Variants in CLXN observed in about 807,000 individuals in gnomAD.
The protein encoded by CLXN is EF-hand calcium binding domain 1.
chr8:48,729,260 C>T, the CLXN span: 3 of 845,618 alleles, frequency 3.5e-6, no homozygotes, highest in Non-Finnish European at 3.6e-6. Context: ...GATGGTGGCT[C>T]AGGCCTGTAA....
chr8:48,729,129 C>T, the CLXN span: 1 of 1,613,066 alleles, frequency 6.2e-7, no homozygotes, highest in African/African-American at 1.3e-5. Context: ...AAGACAGCTT[C>T]CCATCATGGT....
chr8:48,729,177 C>A, the CLXN span: 2 of 1,529,558 alleles, frequency 1.3e-6, no homozygotes, highest in Non-Finnish European at 1.8e-6. Flanking sequence ...TTAGGCAACA[C>A]GTAAAATGAT....
At chr8:48,734,473 T>TAA in the CLXN span, 2 of 152,236 alleles carry the variant, frequency 1.3e-5, no homozygotes, top group African/African-American at 4.8e-5. Context: ...AAGTCTCCTT[T>TAA]ATCTTTCAAC....
chr8:48,713,837 A>T, the CLXN span: 1 of 152,220 alleles, frequency 6.6e-6, no homozygotes, highest in African/African-American at 2.4e-5. Context: ...ATGCAGGACT[A>T]CCAGTTTTCA....
At chr8:48,731,263 C>T in the CLXN span, 4 of 1,378,166 alleles carry the variant, frequency 2.9e-6, no homozygotes, top group Non-Finnish European at 3.8e-6. Context: ...ACTAAGCTTC[C>T]TACCAAGAGG....
chr8:48,724,570 C>T, the CLXN span: 8 of 473,924 alleles, frequency 1.7e-5, no homozygotes, highest in African/African-American at 1.6e-4. Context: ...TCTTGTCTTC[C>T]ATCTATTTTA....
chr8:48,731,619 A>G, the CLXN span: 1 of 760,472 alleles, frequency 1.3e-6, no homozygotes, highest in South Asian at 2.4e-5. Flanking sequence ...GGTAATTGTC[A>G]ATAGAAGACT....
At chr8:48,730,004 A>C in the CLXN span, 1 of 718,622 alleles carries the variant, frequency 1.4e-6, no homozygotes, top group Non-Finnish European at 2.2e-6. Context: ...TTTGCATTGT[A>C]AGTGTCAACG....
the CLXN span, among the ~76,000 whole-genome samples, chr8:48,719,357 C>A: frequency 6.6e-6 from 1 of 151,966 alleles, no homozygotes; most frequent in South Asian, 2.1e-4. Context: ...AGAATGAATA[C>A]CAATTCTTTT....
chr8:48,731,642 G>A, the CLXN span: 1 of 658,664 alleles, frequency 1.5e-6, no homozygotes, highest in Non-Finnish European at 2.4e-6. Context: ...CCTGTTTTGA[G>A]ATTCATGAAC....
the CLXN span, chr8:48,735,004 G>A: frequency 6.8e-7 from 1 of 1,465,952 alleles, no homozygotes; most frequent in South Asian, 1.2e-5. Flanking sequence ...CAGCAGGCGG[G>A]AAGCAGGCAC....
At chr8:48,712,629 C>G in the CLXN span, among the ~76,000 whole-genome samples, 1 of 152,350 alleles carries the variant, frequency 6.6e-6, no homozygotes, top group Non-Finnish European at 1.5e-5. Flanking sequence ...GATAAAGGCA[C>G]TTCAAATGCA....
chr8:48,713,197 C>G, the CLXN span, among the ~76,000 whole-genome samples: 1 of 152,142 alleles, frequency 6.6e-6, no homozygotes, highest in African/African-American at 2.4e-5. Context: ...AAATGCAGAT[C>G]TATTACTTCT....
the CLXN span, chr8:48,715,939 T>C: frequency 6.6e-6 from 1 of 152,250 alleles, no homozygotes; most frequent in Admixed American, 6.5e-5. Flanking sequence ...ATGATTGGTT[T>C]AGAGAAGCTT....
chr8:48,733,008 C>T, the CLXN span, among the ~76,000 whole-genome samples: 5 of 152,010 alleles, frequency 3.3e-5, no homozygotes, highest in Non-Finnish European at 5.9e-5. Context: ...GAACAAGTTA[C>T]GGAGGTGGAT....
chr8:48,735,242 G>A, the CLXN span: 2 of 1,428,736 alleles, frequency 1.4e-6, no homozygotes, highest in Middle Eastern at 4.6e-4. Context: ...CCTGGTGCTG[G>A]GTCAACGCGG....
chr8:48,729,622 A>C, the CLXN span: 1 of 1,155,708 alleles, frequency 8.7e-7, no homozygotes, highest in African/African-American at 1.6e-5. Context: ...TTATTTAAGC[A>C]AGCAGAGAAC....
At chr8:48,735,000 G>T in the CLXN span, 1 of 1,426,310 alleles carries the variant, frequency 7.0e-7, no homozygotes, top group Non-Finnish European at 9.7e-7. Flanking sequence ...GTCCCAGCAG[G>T]CGGGAAGCAG....
At chr8:48,731,144 T>A in the CLXN span, among the ~76,000 whole-genome samples, 2 of 152,324 alleles carry the variant, frequency 1.3e-5, no homozygotes, top group Middle Eastern at 3.4e-3. Flanking sequence ...GATGTCAACA[T>A]GACTTTGTCT....
Sources: allele counts gnomAD v4.1 joint callset (sites outside exome capture counted in the v4.1 genomes callset), GRCh38; gene constraint gnomAD v4.1.1; transcripts MANE v1.5; gene names NCBI Gene and HGNC (gene_info 2026-07-23, HGNC 2026-07-21).